VNN2: variants seen among roughly 807,000 people sequenced by gnomAD.
The protein encoded by VNN2 is vanin 2.
VNN2 carries 43 observed loss-of-function variants against 43.0 expected under a neutral mutation model. The observed-to-expected ratio is 1.00, with a 90% CI of 0.78 to 1.29. The LOEUF is 1.29. VNN2 is among the 50% of genes most tolerant of loss of function. The probability of loss-of-function intolerance (pLI) is 0.00; values close to 1 mark genes in which losing one functional copy is unlikely to be tolerated. For missense variants in VNN2, 652 were observed against 619.7 expected (o/e 1.05, Z -0.55); for synonymous variants, 230 against 224.3 (o/e 1.03, Z -0.23).
At position 132,749,117 on chromosome 6, in the gene VNN2, A is replaced by T. The variant is rs563744495; in HGVS notation, c.1371+578T>A. ...ATAATTAGTTGTTATAAATTGAAAA[A>T]ATGATCACAATATTTTCCCCTCCTT... On this transcript the variant is annotated intron_variant, in intron 6 of 6. Coordinates refer to ENST00000326499, the MANE Select transcript of VNN2 (RefSeq NM_004665.6). Among the ~76,000 whole-genome samples, 6 of 152,260 alleles carry T rather than the reference A, an allele frequency of 3.9e-5. No individual in the cohort carries two copies. The South Asian group carries it at 1.2e-3, about 32-fold the overall frequency.
chr6:132,753,755 C>G (rs1780280159), intron 3 of VNN2: 1 of 195,692 alleles, frequency 5.1e-6, no homozygotes. Flanking sequence ...AGCTCAAGAC[C>G]AGCCTGGCCA....
At chr6:132,750,290 T>C (rs1363513937) in intron 5 of VNN2, among the ~76,000 whole-genome samples, 1 of 151,860 alleles carries the variant, frequency 6.6e-6, no homozygotes, top group Non-Finnish European at 1.5e-5. Context: ...AATAGGAAAA[T>C]ACAAATTCAG....
At chr6:132,749,299 G>T (rs1417682712) in intron 6 of VNN2, among the ~76,000 whole-genome samples, 1 of 152,172 alleles carries the variant, frequency 6.6e-6, no homozygotes, top group Non-Finnish European at 1.5e-5. Context: ...CAAAGAACTT[G>T]CAAAGATTTG....
At chr6:132,744,610 G>T in intron 6 of VNN2, 119 bp from the exon 7 acceptor site, 1 of 1,031,854 alleles carries the variant, frequency 9.7e-7, no homozygotes, top group East Asian at 3.0e-5. Context: ...GATTTAGGAG[G>T]ATGCAGCAAG....
intron 6 of VNN2, among the ~76,000 whole-genome samples, chr6:132,745,981 CTAAA>C (rs1779692488): frequency 6.6e-6 from 1 of 152,166 alleles, no homozygotes; most frequent in Admixed American, 6.5e-5. Flanking sequence ...GAGAAAATGA[CTAAA>C]TATCCTAGAA....
chr6:132,759,309 G>T (rs1351536361), upstream of VNN2, among the ~76,000 whole-genome samples: 2 of 151,512 alleles, frequency 1.3e-5, no homozygotes, highest in Admixed American at 1.3e-4. Flanking sequence ...CGTGGTGGTG[G>T]GCGCCTGTAA....
At chr6:132,761,950 C>A (rs940532274), upstream of VNN2, among the ~76,000 whole-genome samples, 5 of 152,156 alleles carry the variant, frequency 3.3e-5, no homozygotes, top group African/African-American at 1.2e-4. Flanking sequence ...ACGCAGATGA[C>A]AATAATTAAC....
At chr6:132,758,242 A>G (rs373379409), upstream of VNN2, among the ~76,000 whole-genome samples, 752 of 151,878 alleles carry the variant, frequency 5.0e-3, 7 homozygotes, top group African/African-American at 0.018. Flanking sequence ...ATGGGGTTTC[A>G]CAATATTGGC....
chr6:132,755,744 G>T, intron 3 of VNN2, 99 bp downstream of exon 3: 2 of 1,228,866 alleles, frequency 1.6e-6, no homozygotes, highest in Non-Finnish European at 2.2e-6. Context: ...AAACCCTCTA[G>T]TAATATTGTA....
chr6:132,749,420 G>C (rs6926968), intron 6 of VNN2, among the ~76,000 whole-genome samples: 27,114 of 152,090 alleles, frequency 0.18, 3,422 homozygotes, highest in African/African-American at 0.35. Context: ...CAGCTGTCCA[G>C]GACAAGGCAA....
chr6:132,752,981 C>T (rs968499445), intron 3 of VNN2: 4 of 465,834 alleles, frequency 8.6e-6, no homozygotes, highest in Non-Finnish European at 1.5e-5. Context: ...CTCTTTCCCT[C>T]TCTCTCAGTT....
upstream of VNN2, among the ~76,000 whole-genome samples, chr6:132,761,913 T>C (rs1405708663): frequency 1.3e-5 from 2 of 152,198 alleles, no homozygotes; most frequent in Non-Finnish European, 2.9e-5. Context: ...CTCCTAAAGA[T>C]ATGTGAAAGT....
intron 3 of VNN2, 84 bp from the exon 4 acceptor site, chr6:132,752,833 A>T (rs1037189892): frequency 4.8e-6 from 7 of 1,469,864 alleles, no homozygotes; most frequent in Non-Finnish European, 6.4e-6. Flanking sequence ...TTGGTAACAG[A>T]TTTGGCTATG....
chr6:132,744,888 G>A (rs999608263), intron 6 of VNN2, among the ~76,000 whole-genome samples: 6 of 152,040 alleles, frequency 3.9e-5, no homozygotes, highest in Non-Finnish European at 8.8e-5. Context: ...GTGTATCAGA[G>A]AAGAGAACAG....
At chr6:132,761,208 G>A (rs1780730158), upstream of VNN2, among the ~76,000 whole-genome samples, 1 of 152,064 alleles carries the variant, frequency 6.6e-6, no homozygotes, top group African/African-American at 2.4e-5. Flanking sequence ...AATAAAGTAA[G>A]GTTATTTTGC....
intron 1 of VNN2, 38 bp downstream of exon 1, chr6:132,757,633 C>T: frequency 6.2e-7 from 1 of 1,609,780 alleles, no homozygotes; most frequent in African/African-American, 1.3e-5. Flanking sequence ...CTCCCATGCC[C>T]CTCGTGTACA....
rs753953576 is a variant in VNN2, at chr6:132,757,797, T to C, written c.87A>G (p.Ala29=). 2 of 1,614,184 alleles carry C rather than the reference T, an allele frequency of 1.2e-6. No homozygotes were observed. The highest frequency in any genetic ancestry group is 4.5e-5 in the East Asian group (2 of 44,880). Residue 29 remains alanine, a synonymous_variant, in exon 1 of 7, where the codon GCA becomes GCG. Coordinates refer to ENST00000326499, the MANE Select transcript of VNN2 (RefSeq NM_004665.6). ...QVGTQDSFIA[A]VYEHAVILPN... ...GCAAAATGACAGCATGTTCATACAC[T>C]GCAGCTATAAAACTGTCCTGAGTAC...
At chr6:132,752,349 C>T in intron 4 of VNN2, 112 bp downstream of exon 4, 1 of 1,277,998 alleles carries the variant, frequency 7.8e-7, no homozygotes, top group South Asian at 1.6e-5. Context: ...GAAACTATGA[C>T]AAACACAGTA....
intron 3 of VNN2, chr6:132,754,020 T>C (rs1481302301): frequency 6.7e-6 from 1 of 149,342 alleles, no homozygotes; most frequent in Non-Finnish European, 1.5e-5. Context: ...TTCACATATG[T>C]CAGAGGTCAT....
Sources: gnomAD v4.1 joint callset for allele counts (sites outside exome capture counted in the v4.1 genomes callset) on GRCh38, gnomAD v4.1.1 for gene constraint, MANE v1.5 for transcripts, NCBI Gene and HGNC (gene_info 2026-07-23, HGNC 2026-07-21) for gene names.